The following RFX6 variants were observed in gnomAD, a reference collection of about 807,000 sequenced individuals.
RFX6 encodes DNA-binding protein RFX6.
Under a neutral mutation model 110.8 loss-of-function variants are expected in RFX6, and 50 were observed. The observed-to-expected ratio is 0.45, with a 90% CI of 0.36 to 0.57. The LOEUF (loss-of-function observed/expected upper bound fraction) is 0.57. RFX6 is among the 20% of genes least tolerant of loss of function. The pLI is 0.00. For missense variants in RFX6, 990 were observed against 1,127.0 expected (o/e 0.88, Z 1.74); for synonymous variants, 383 against 411.2 (o/e 0.93, Z 0.83).
chr6:116,928,759 G>C lies in RFX6; in HGVS notation c.2399G>C (p.Gly800Ala), dbSNP rs138343620. ...AAATTCTCAACATTTTCTGTTACAG[G>C]ATACTATGGAAGCAACATAAACTAC... ...GATLPPNSPN[G>A]YYGSNINYPE... The change falls in exon 18 of 19, where the codon GGA becomes GCA. Residue 800 changes from glycine to alanine, a missense_variant and splice_region_variant. Coordinates refer to ENST00000332958, the MANE Select transcript of RFX6 (RefSeq NM_173560.4). The C allele has an allele frequency of 6.1e-4, 988 of 1,607,304 alleles. 6 individuals are homozygous for C. In the African/African-American group the frequency reaches 7.6e-3, roughly 12 times the overall value.
intron 6 of RFX6, among the ~76,000 whole-genome samples, chr6:116,908,520 T>C (rs1775258173): frequency 6.6e-6 from 1 of 152,134 alleles, no homozygotes; most frequent in Non-Finnish European, 1.5e-5. Context: ...CTACAAACTC[T>C]GGTATAGTGT....
chr6:116,895,112 C>T, intron 5 of RFX6, 68 bp from the exon 6 acceptor site: 1 of 828,202 alleles, frequency 1.2e-6, no homozygotes, highest in Non-Finnish European at 2.1e-6. Flanking sequence ...TTTAGGTTGT[C>T]TACATATCAT....
chr6:116,926,987 T>C (rs1775751606), intron 16 of RFX6, 40 bp from the exon 17 acceptor site: 1 of 1,569,384 alleles, frequency 6.4e-7, no homozygotes, highest in Non-Finnish European at 8.8e-7. Context: ...TCATCTACTT[T>C]AATATGACAC....
At chr6:116,920,481 A>C (rs1775570609) in intron 12 of RFX6, 27 bp downstream of exon 12, 1 of 1,600,028 alleles carries the variant, frequency 6.2e-7, no homozygotes, top group African/African-American at 1.3e-5. Context: ...TGTTTAGAAC[A>C]AGGTTTTCTA....
intron 5 of RFX6, among the ~76,000 whole-genome samples, chr6:116,894,794 G>C (rs1774906465): frequency 6.6e-6 from 1 of 151,788 alleles, no homozygotes; most frequent in South Asian, 2.1e-4. Flanking sequence ...AAAGTATCTT[G>C]TGGAAAAAAA....
At position 116,924,678 on chromosome 6, in the gene RFX6, A is replaced by G; in HGVS notation, c.1565A>G (p.His522Arg). The G allele has an allele frequency of 1.9e-6, 3 of 1,610,892 alleles. No individual in the cohort carries two copies. The highest frequency in any genetic ancestry group is 2.5e-6 in the Non-Finnish European group (3 of 1,177,282). Residue 522 changes from histidine to arginine, a missense_variant, in exon 15 of 19, where the codon CAT becomes CGT. This residue lies in a region of RFX6 where 89 missense variants were observed against 140.3 expected (regional missense o/e 0.63). Coordinates refer to ENST00000332958, the MANE Select transcript of RFX6 (RefSeq NM_173560.4). ...LNNASSFGSF[H>R]LIRMLLDEYI... ...TCCATCCATAAACAAGGTTCTTTTC[A>G]TTTGATTCGAATGCTTCTCGATGAA... is the stretch of plus-strand genomic sequence containing the variant.
Position 116,923,091 on chromosome 6 carries a change from G to C in RFX6, c.1438-16G>C. The C allele has an allele frequency of 7.5e-7, 1 of 1,334,118 alleles. No individual in the cohort carries two copies. The highest frequency in any genetic ancestry group is 1.2e-5 in the South Asian group (1 of 85,336). The allele number at this position is 1,334,118 out of a possible 1,614,324, so 82.6% of individuals were successfully genotyped here. On this transcript the variant is annotated splice_polypyrimidine_tract_variant and intron_variant, in intron 13 of 18. Coordinates refer to ENST00000332958, the MANE Select transcript of RFX6 (RefSeq NM_173560.4). The stretch of plus-strand genomic sequence containing the variant: ...AGGACGGATTTTATAGTTTCATTTT[G>C]TTCCTTTACTTTTAGACCAGCAAAC...
intron 2 of RFX6, among the ~76,000 whole-genome samples, chr6:116,879,949 A>G (rs1774551745): frequency 6.6e-6 from 1 of 152,030 alleles, no homozygotes; most frequent in South Asian, 2.1e-4. Context: ...TTTTAAGTGT[A>G]TAGGATGTTT....
Position 116,877,330 on chromosome 6 carries a change from C to G in RFX6, c.55C>G (p.Gln19Glu). ...DTFLQAQPAP[Q>E]LSPGIQEDCC... ...CTTCCTGCAGGCGCAGCCTGCGCCCCAACTGTCCCCGGGGATCCAGGAAGA... is the reference window on the plus strand; with the variant it reads ...CTTCCTGCAGGCGCAGCCTGCGCCCGAACTGTCCCCGGGGATCCAGGAAGA... Residue 19 changes from glutamine (Q) to glutamate (E), a missense_variant, in exon 1 of 19, where the codon CAA (glutamine) becomes GAA (glutamate). Gln to Glu is a conservative substitution (Grantham distance 29, BLOSUM62 2). This residue lies in a region of RFX6 where 175 missense variants were observed against 162.3 expected (regional missense o/e 1.08). Transcript: ENST00000332958. The G allele has an allele frequency of 6.2e-7, 1 of 1,613,014 alleles. No individual in the cohort carries two copies. Among genetic ancestry groups the G allele is most frequent in the Admixed American group, 1.7e-5 (1 of 59,972 alleles).
chr6:116,906,860 G>GTTT (rs34715737), intron 6 of RFX6, among the ~76,000 whole-genome samples: 10 of 137,188 alleles, frequency 7.3e-5, no homozygotes, highest in African/African-American at 1.1e-4. Context: ...GTGTTTTTTT[G>GTTT]TTTTTTTTTT....
chr6:116,880,493 G>T (rs1276948447), intron 2 of RFX6, 51 bp from the exon 3 acceptor site: 1 of 1,557,920 alleles, frequency 6.4e-7, no homozygotes. Flanking sequence ...TGAGAAAGTT[G>T]AAGGAAAAGG....
chr6:116,885,792 C>T (rs1020833379), intron 4 of RFX6, among the ~76,000 whole-genome samples: 40 of 152,168 alleles, frequency 2.6e-4, no homozygotes, highest in African/African-American at 9.6e-4. Context: ...GAACAAACAA[C>T]ACTTTACCAT....
At chr6:116,900,506 C>T (rs1775044972) in intron 6 of RFX6, among the ~76,000 whole-genome samples, 1 of 152,124 alleles carries the variant, frequency 6.6e-6, no homozygotes, top group Admixed American at 6.5e-5. Context: ...CTGCCTACCT[C>T]AGCCTTCCAA....
At chr6:116,904,813 A>C (rs978536429) in intron 6 of RFX6, among the ~76,000 whole-genome samples, 1 of 152,212 alleles carries the variant, frequency 6.6e-6, no homozygotes, top group African/African-American at 2.4e-5. Flanking sequence ...TAATGTCCTC[A>C]AGGTTCATCC....
At chr6:116,924,971 G>T (rs1487700668) in intron 15 of RFX6, among the ~76,000 whole-genome samples, 180 bp downstream of exon 15, 1 of 152,054 alleles carries the variant, frequency 6.6e-6, no homozygotes, top group East Asian at 1.9e-4. Context: ...TTCATTCATT[G>T]CTATGTAGTC....
chr6:116,880,721 A>G, intron 3 of RFX6, 54 bp downstream of exon 3: 1 of 1,590,178 alleles, frequency 6.3e-7, no homozygotes, highest in Non-Finnish European at 8.6e-7. Flanking sequence ...TGTCAGGCAG[A>G]TAGCATGAAA....
At chr6:116,906,351 C>G (rs1456370836) in intron 6 of RFX6, among the ~76,000 whole-genome samples, 2 of 152,076 alleles carry the variant, frequency 1.3e-5, no homozygotes, top group Non-Finnish European at 2.9e-5. Flanking sequence ...ACCCAGGGTC[C>G]CTTGAGATTC....
At chr6:116,878,506 T>C (rs544739567) in intron 2 of RFX6, among the ~76,000 whole-genome samples, 78 of 152,174 alleles carry the variant, frequency 5.1e-4, no homozygotes, top group Non-Finnish European at 9.3e-4. Context: ...CATATATGAT[T>C]TATAATAATA....
intron 6 of RFX6, among the ~76,000 whole-genome samples, chr6:116,905,547 A>G (rs1178504323): frequency 6.6e-6 from 1 of 151,724 alleles, no homozygotes; most frequent in Non-Finnish European, 1.5e-5. Flanking sequence ...TTTATGAACA[A>G]AAGTGTTTCT....
Sources: gnomAD v4.1 joint callset for allele counts (sites outside exome capture counted in the v4.1 genomes callset) on GRCh38, gnomAD v4.1.1 for gene constraint, gnomAD v4.1.1 regional missense constraint, MANE v1.5 for transcripts, NCBI Gene and HGNC (gene_info 2026-07-23, HGNC 2026-07-21) for gene names.